PLEKHM3: variants seen among roughly 807,000 people sequenced by gnomAD.
The protein encoded by PLEKHM3 is pleckstrin homology domain containing M3.
In PLEKHM3, 45 loss-of-function variants were observed where a neutral mutation model predicts 81.8. The ratio of observed to expected loss-of-function variants is 0.55; its 90% CI spans 0.43 to 0.71. The LOEUF (loss-of-function observed/expected upper bound fraction) is 0.71, where lower values mean the gene tolerates loss of function less well. Ranked by LOEUF, PLEKHM3 falls within the 30% of genes least tolerant of loss-of-function variation. PLEKHM3 has a pLI of 0.00. For synonymous variants in PLEKHM3, 352 were observed against 356.4 expected, an observed-to-expected ratio of 0.99 and a Z score of 0.14; for missense variants, 788 against 924.3, an observed-to-expected ratio of 0.85 and a Z score of 1.91.
Position 207,822,795 on chromosome 2 carries a change from G to T in PLEKHM3, c.*5524C>A, listed in dbSNP as rs2092225862. 6.6e-6 allele frequency: 1 copy of T among 152,240 alleles called. No individual in the cohort carries two copies. Among genetic ancestry groups the T allele is most frequent in the South Asian group, 2.1e-4 (1 of 4,828 alleles). The allele number at this position is 152,240 out of a possible 1,614,324, so 9.4% of individuals were successfully genotyped here. On this transcript the variant is annotated 3_prime_UTR_variant, in exon 8 of 8. Transcript: ENST00000427836. ...TGAAGGGTCCTGCAGGCTTCAAGTG[G>T]TTCAGACTAGACTAGAAGCACGAGA...
At chr2:207,903,176 C>T (rs933829201) in intron 6 of PLEKHM3, among the ~76,000 whole-genome samples, 1 of 152,136 alleles carries the variant, frequency 6.6e-6, no homozygotes, top group African/African-American at 2.4e-5. Flanking sequence ...AAATGAATTT[C>T]TGCCAAAATA....
intron 3 of PLEKHM3, among the ~76,000 whole-genome samples, chr2:207,953,413 G>A (rs1036255219): frequency 3.3e-5 from 5 of 151,930 alleles, no homozygotes; most frequent in South Asian, 2.1e-4. Flanking sequence ...GATGGGCTTC[G>A]TTTTATGTTC....
intron 6 of PLEKHM3, among the ~76,000 whole-genome samples, chr2:207,899,276 C>T (rs899124296): frequency 9.9e-5 from 15 of 152,176 alleles, no homozygotes; most frequent in African/African-American, 2.7e-4. Flanking sequence ...CCTTGAAGAC[C>T]AACTGTGGGT....
At chr2:207,836,054 G>C (rs1157272612) in intron 7 of PLEKHM3, among the ~76,000 whole-genome samples, 1 of 152,176 alleles carries the variant, frequency 6.6e-6, no homozygotes, top group South Asian at 2.1e-4. Context: ...AACTTCTGTG[G>C]ATGCTCTTGT....
chr2:207,830,295 T>C (rs1405640144), intron 7 of PLEKHM3, among the ~76,000 whole-genome samples: 2 of 152,066 alleles, frequency 1.3e-5, no homozygotes, highest in Non-Finnish European at 2.9e-5. Context: ...TATTTGGAGA[T>C]ACCATGCTTA....
chr2:207,908,804 T>A (rs898006075), intron 5 of PLEKHM3, among the ~76,000 whole-genome samples: 1 of 152,226 alleles, frequency 6.6e-6, no homozygotes, highest in African/African-American at 2.4e-5. Context: ...ACTTCTAATG[T>A]AATCTTAAGT....
At chr2:207,905,389 C>A (rs895648856) in intron 6 of PLEKHM3, among the ~76,000 whole-genome samples, 3 of 152,224 alleles carry the variant, frequency 2.0e-5, no homozygotes, top group African/African-American at 7.2e-5. Context: ...AGGCCCAGGA[C>A]GCCATAAGGC....
At chr2:207,840,662 T>C (rs1391067973) in intron 7 of PLEKHM3, among the ~76,000 whole-genome samples, 1 of 152,228 alleles carries the variant, frequency 6.6e-6, no homozygotes, top group Non-Finnish European at 1.5e-5. Context: ...CATTTTCTAC[T>C]GATATTTTAC....
At position 207,828,390 on chromosome 2, in the gene PLEKHM3, G is replaced by C; in HGVS notation, c.2215C>G (p.Gln739Glu). The change falls in exon 8 of 8, where the codon CAG (glutamine) becomes GAG (glutamate). Residue 739 changes from glutamine (Q) to glutamate (E), a missense_variant. Gln to Glu is a conservative substitution (Grantham distance 29, BLOSUM62 2). Coordinates refer to ENST00000427836, the MANE Select transcript of PLEKHM3 (RefSeq NM_001080475.3). ...ELQKKQKSFWQRLNMDESLEE... is the reference protein window; with the variant it reads ...ELQKKQKSFWERLNMDESLEE... ...AGACTCTCGTCCATGTTCAGTCTCT[G>C]CCAGAAAGACTTCTGCTTCTTCTGC... 6.2e-6 allele frequency: 10 copies of C among 1,614,058 alleles called. No homozygotes were observed. The highest frequency in any genetic ancestry group is 8.5e-6 in the Non-Finnish European group (10 of 1,180,004).
At chr2:207,962,120 T>A (rs1305792137) in intron 3 of PLEKHM3, among the ~76,000 whole-genome samples, 4 of 152,178 alleles carry the variant, frequency 2.6e-5, no homozygotes, top group African/African-American at 9.7e-5. Context: ...TGAGTCATAG[T>A]GGGCCACTAA....
intron 5 of PLEKHM3, among the ~76,000 whole-genome samples, chr2:207,920,213 C>G (rs1689134713): frequency 6.6e-6 from 1 of 152,282 alleles, no homozygotes; most frequent in South Asian, 2.1e-4. Context: ...TCGGAATGGT[C>G]TAAGTCAAGG....
At chr2:207,943,594 C>T (rs1037668457) in intron 4 of PLEKHM3, among the ~76,000 whole-genome samples, 39 of 152,022 alleles carry the variant, frequency 2.6e-4, no homozygotes, top group African/African-American at 8.7e-4. Context: ...ATAGGCCGGG[C>T]GCGGTGGCTC....
chr2:207,946,966 T>C (rs1384752762), intron 3 of PLEKHM3, among the ~76,000 whole-genome samples: 1 of 152,258 alleles, frequency 6.6e-6, no homozygotes, highest in African/African-American at 2.4e-5. Flanking sequence ...AAGATTTTTA[T>C]GAGGTTAAGT....
chr2:208,024,411 T>C (rs1477617695), intron 1 of PLEKHM3, among the ~76,000 whole-genome samples: 4 of 152,166 alleles, frequency 2.6e-5, no homozygotes, highest in African/African-American at 9.7e-5. Flanking sequence ...TTCTTCTATG[T>C]ATATCTATCT....
chr2:207,895,023 G>T (rs1688177638), intron 6 of PLEKHM3, among the ~76,000 whole-genome samples: 1 of 152,162 alleles, frequency 6.6e-6, no homozygotes, highest in South Asian at 2.1e-4. Flanking sequence ...AATAATAAAA[G>T]TGAGTAACAT....
chr2:207,942,670 G>A (rs1689983352), intron 4 of PLEKHM3, among the ~76,000 whole-genome samples: 1 of 152,138 alleles, frequency 6.6e-6, no homozygotes, highest in Non-Finnish European at 1.5e-5. Context: ...GGAGGCCGAG[G>A]AGGGTGGATC....
At chr2:207,978,274 G>A (rs911524252) in intron 2 of PLEKHM3, among the ~76,000 whole-genome samples, 6 of 151,848 alleles carry the variant, frequency 4.0e-5, no homozygotes, top group Admixed American at 6.6e-5. Context: ...AACCAATCAC[G>A]CTTTGCCAGG....
intron 2 of PLEKHM3, among the ~76,000 whole-genome samples, chr2:208,000,468 T>C (rs1692259502): frequency 1.3e-5 from 2 of 152,162 alleles, no homozygotes; most frequent in South Asian, 2.1e-4. Flanking sequence ...CACTCTTATA[T>C]GGACAGAGTA....
At chr2:207,913,983 A>G (rs1425626677) in intron 5 of PLEKHM3, among the ~76,000 whole-genome samples, 6 of 151,982 alleles carry the variant, frequency 3.9e-5, no homozygotes, top group South Asian at 2.1e-4. Flanking sequence ...GCACACGCGC[A>G]CACACACACC....
Sources: allele counts gnomAD v4.1 joint callset (sites outside exome capture counted in the v4.1 genomes callset), GRCh38; gene constraint gnomAD v4.1.1; transcripts MANE v1.5; gene names NCBI Gene and HGNC (gene_info 2026-07-23, HGNC 2026-07-21).